NUGGC: variants seen among roughly 807,000 people sequenced by gnomAD.
NUGGC encodes the protein nuclear GTPase SLIP-GC.
In NUGGC, 58 loss-of-function variants were observed where a neutral mutation model predicts 92.6. The ratio of observed to expected loss-of-function variants is 0.63; its 90% CI spans 0.51 to 0.78. The LOEUF (loss-of-function observed/expected upper bound fraction) is 0.78, where lower values mean the gene tolerates loss of function less well. Among genes scored for constraint, NUGGC ranks in the 30% least tolerant of loss-of-function variants. The pLI is 0.00. For synonymous variants in NUGGC, 376 were observed against 366.4 expected, an observed-to-expected ratio of 1.03 and a Z score of -0.30; for missense variants, 925 against 964.6, an observed-to-expected ratio of 0.96 and a Z score of 0.54.
chr8:28,069,607 T>C lies in NUGGC; in HGVS notation c.194A>G (p.Tyr65Cys). 6.2e-7 allele frequency: 1 copy of C among 1,612,564 alleles called. No individual in the cohort carries two copies. Among genetic ancestry groups the C allele is most frequent in the African/African-American group, 1.3e-5 (1 of 75,024 alleles). ...SRTRRVLSNT[Y>C]QKLIQSVFLD... ...GAAGACAGACTGAATAAGTTTCTGA[T>C]AAGTGTTGCTCAAAACCCTTCTGGT... Residue 65 changes from tyrosine to cysteine, a missense_variant, in exon 4 of 19, where the codon TAT (tyrosine) becomes TGT (cysteine). Physicochemically the swap from Tyr to Cys is radical, Grantham distance 194. Transcript: ENST00000413272.
intron 18 of NUGGC, among the ~76,000 whole-genome samples, chr8:28,025,166 C>T (rs774612332): frequency 1.5e-4 from 23 of 152,224 alleles, no homozygotes; most frequent in Admixed American, 7.2e-4. Flanking sequence ...GCACCCAGGA[C>T]GTGATCAGAA....
rs1227789476 is a variant in NUGGC, at chr8:28,031,357, A to T, written c.1794T>A (p.Ala598=). ...IFRTGKPTGS[A]LMPHIDAFKQ... ...TAAAAGCATCTATGTGAGGCATCAG[A>T]GCTGAACCAGTGGGCTTCCCCGTCC... Residue 598 remains alanine, a synonymous_variant, in exon 15 of 19, where the codon GCT becomes GCA. Coordinates refer to ENST00000413272, the MANE Select transcript of NUGGC (RefSeq NM_001010906.2). 3.7e-6 allele frequency: 6 copies of T among 1,614,020 alleles called. No individual in the cohort carries two copies. Among genetic ancestry groups the T allele is most frequent in the Non-Finnish European group, 4.2e-6 (5 of 1,179,876 alleles).
At chr8:28,038,417 T>C (rs1809610930) in intron 13 of NUGGC, among the ~76,000 whole-genome samples, 1 of 152,242 alleles carries the variant, frequency 6.6e-6, no homozygotes, top group Admixed American at 6.5e-5. Flanking sequence ...CCCAGCATTA[T>C]CACTTTACGT....
chr8:28,038,627 CT>C (rs1809615859), intron 13 of NUGGC, among the ~76,000 whole-genome samples: 1 of 152,158 alleles, frequency 6.6e-6, no homozygotes, highest in African/African-American at 2.4e-5. Flanking sequence ...TTCCAAAGTC[CT>C]TGTTACATGC....
chr8:28,056,871 T>C (rs1363620273), intron 9 of NUGGC, among the ~76,000 whole-genome samples: 3 of 152,222 alleles, frequency 2.0e-5, no homozygotes, highest in African/African-American at 7.2e-5. Flanking sequence ...TAGTACATAC[T>C]ATACTACTGT....
intron 1 of NUGGC, among the ~76,000 whole-genome samples, chr8:28,078,557 C>T (rs1382156380): frequency 6.6e-6 from 1 of 152,156 alleles, no homozygotes. Flanking sequence ...ATCACCCTGG[C>T]CTCAGGTTTC....
Position 28,045,673 on chromosome 8 carries a change from G to A in NUGGC, c.1313-13C>T, listed in dbSNP as rs373559265. 1 of 1,606,750 alleles carries A rather than the reference G, an allele frequency of 6.2e-7. No homozygotes were observed. The highest frequency in any genetic ancestry group is 8.5e-7 in the Non-Finnish European group (1 of 1,178,004). On this transcript the variant is annotated splice_polypyrimidine_tract_variant and intron_variant, in intron 11 of 18. Transcript: ENST00000413272. ...AACTTAGGGATTTCTGGAATTCACAGGCAGCACAAATAATTGTTAAAGGCC... is the reference window on the plus strand; with the variant it reads ...AACTTAGGGATTTCTGGAATTCACAAGCAGCACAAATAATTGTTAAAGGCC...
chr8:28,079,204 G>T lies in NUGGC; in HGVS notation c.-47+4571C>A, dbSNP rs118110972. On this transcript the variant is annotated intron_variant, in intron 1 of 18. Coordinates refer to ENST00000413272, the MANE Select transcript of NUGGC (RefSeq NM_001010906.2). ...GGAAAATCACAGAGGCAACACAAACGCAGGTCATTCCTGTACTAGAACAGC... is the reference window on the plus strand; with the variant it reads ...GGAAAATCACAGAGGCAACACAAACTCAGGTCATTCCTGTACTAGAACAGC... Among the ~76,000 whole-genome samples the T allele has an allele frequency of 2.5e-3, 373 of 152,170 alleles. 2 individuals are homozygous for T. Among genetic ancestry groups the T allele is most frequent in the Non-Finnish European group, 4.5e-3 (304 of 68,020 alleles).
chr8:28,030,373 T>C lies in NUGGC; in HGVS notation c.1954A>G (p.Lys652Glu). The C allele has an allele frequency of 6.3e-7, 1 of 1,582,158 alleles. No homozygotes were observed. The highest frequency in any genetic ancestry group is 8.6e-7 in the Non-Finnish European group (1 of 1,162,810). The change falls in exon 16 of 19, where the codon AAG (lysine) becomes GAG (glutamate). Residue 652 changes from lysine (K) to glutamate (E), a missense_variant. Lys to Glu is a moderately conservative substitution (Grantham distance 56, BLOSUM62 1). Coordinates refer to ENST00000413272, the MANE Select transcript of NUGGC (RefSeq NM_001010906.2). Reference sequence around the variant, plus strand: ...GTGAGGGACTCGTAGATCCTCCTCTTCCTTCTGAGGATGTGGTCCTCCAGG... The same window carrying C: ...GTGAGGGACTCGTAGATCCTCCTCTCCCTTCTGAGGATGTGGTCCTCCAGG... Reference protein sequence around the residue: ...GGLEDHILRRKRRIYESLTAS... With the variant: ...GGLEDHILRRERRIYESLTAS...
At chr8:28,029,587 T>C (rs529520433) in intron 16 of NUGGC, among the ~76,000 whole-genome samples, 185 bp from the exon 17 acceptor site, 1 of 152,044 alleles carries the variant, frequency 6.6e-6, no homozygotes, top group African/African-American at 2.4e-5. Context: ...CCATCTCTAC[T>C]AAAAATACAA....
chr8:28,048,940 T>C (rs1469808514), intron 10 of NUGGC, among the ~76,000 whole-genome samples: 2 of 151,582 alleles, frequency 1.3e-5, no homozygotes, highest in Non-Finnish European at 2.9e-5. Flanking sequence ...AACAGTGTCG[T>C]GGAGAAGTCA....
chr8:28,049,906 T>TAGA (rs1337465345), intron 10 of NUGGC, among the ~76,000 whole-genome samples: 1 of 151,394 alleles, frequency 6.6e-6, no homozygotes, highest in Non-Finnish European at 1.5e-5. Context: ...GCCAACATGG[T>TAGA]GAAACCCCGT....
intron 1 of NUGGC, among the ~76,000 whole-genome samples, chr8:28,080,097 A>T (rs1810814329): frequency 6.6e-6 from 1 of 152,080 alleles, no homozygotes; most frequent in African/African-American, 2.4e-5. Flanking sequence ...ACCTGCCACC[A>T]TGCCCGGCTA....
rs992073213 is a variant in NUGGC at position 28,059,907 on chromosome 8, G to A, written c.1097+519C>T. On this transcript the variant is annotated intron_variant, in intron 8 of 18. Coordinates refer to ENST00000413272, the MANE Select transcript of NUGGC (RefSeq NM_001010906.2). The stretch of plus-strand genomic sequence containing the variant: ...GGACCGGCCGGCGCCTGTAATCCCA[G>A]CCACTCGGGAGGCTGAGGCAGGAGA... Among the ~76,000 whole-genome samples the A allele has an allele frequency of 2.6e-5, 4 of 152,118 alleles. No homozygotes were observed. In the East Asian group the frequency reaches 7.7e-4, roughly 29 times the overall value.
At chr8:28,057,162 G>C (rs1238533548) in intron 9 of NUGGC, among the ~76,000 whole-genome samples, 2 of 152,092 alleles carry the variant, frequency 1.3e-5, no homozygotes, top group African/African-American at 4.8e-5. Flanking sequence ...GACATTACAA[G>C]AAAAAGTTGA....
At chr8:28,029,844 A>G (rs1051716069) in intron 16 of NUGGC, among the ~76,000 whole-genome samples, 2 of 152,178 alleles carry the variant, frequency 1.3e-5, no homozygotes, top group African/African-American at 4.8e-5. Flanking sequence ...ATATACTTAT[A>G]TAAAAATAAC....
At chr8:28,065,100 C>T (rs544602851) in intron 6 of NUGGC, among the ~76,000 whole-genome samples, 1 of 148,746 alleles carries the variant, frequency 6.7e-6, no homozygotes, top group Non-Finnish European at 1.5e-5. Flanking sequence ...AGAAAATTAA[C>T]AGTGATATGG....
chr8:28,078,163 G>T (rs984024539), intron 1 of NUGGC, among the ~76,000 whole-genome samples: 2 of 152,196 alleles, frequency 1.3e-5, no homozygotes, highest in African/African-American at 4.8e-5. Flanking sequence ...CTGTATACAA[G>T]TAATTTGTGA....
At chr8:28,036,211 A>G (rs1809550400) in intron 13 of NUGGC, among the ~76,000 whole-genome samples, 1 of 152,232 alleles carries the variant, frequency 6.6e-6, no homozygotes. Flanking sequence ...TGGTTGGAAA[A>G]TAAGAAATTA....
Sources: gnomAD v4.1 joint callset for allele counts (sites outside exome capture counted in the v4.1 genomes callset) on GRCh38, gnomAD v4.1.1 for gene constraint, MANE v1.5 for transcripts, NCBI Gene and HGNC (gene_info 2026-07-23, HGNC 2026-07-21) for gene names.